SLK: variants seen among roughly 807,000 people sequenced by gnomAD.
SLK encodes STE20-like serine/threonine-protein kinase.
SLK carries 67 observed loss-of-function variants against 147.7 expected under a neutral mutation model. That is an observed-to-expected ratio of 0.45 (90% CI 0.37 to 0.56). The LOEUF is 0.56. Ranked by LOEUF, SLK falls within the 20% of genes least tolerant of loss-of-function variation. SLK has a pLI of 0.00. For missense variants in SLK, 1,136 were observed against 1,438.8 expected (o/e 0.79, Z 3.41); for synonymous variants, 441 against 475.0 (o/e 0.93, Z 0.93).
At chr10:104,021,193 C>T (rs1180237652) in intron 17 of SLK, among the ~76,000 whole-genome samples, 3 of 152,122 alleles carry the variant, frequency 2.0e-5, no homozygotes, top group Non-Finnish European at 4.4e-5. Context: ...GCTTAATTTA[C>T]TATAGTAGAA....
intron 2 of SLK, among the ~76,000 whole-genome samples, chr10:103,992,265 A>T (rs916589137): frequency 6.6e-6 from 1 of 150,404 alleles, no homozygotes; most frequent in Non-Finnish European, 1.5e-5. Context: ...TGCCTTAAAA[A>T]TATAAGTAAT....
chr10:104,019,031 A>T, intron 15 of SLK, 123 bp downstream of exon 15: 1 of 946,312 alleles, frequency 1.1e-6, no homozygotes, highest in South Asian at 1.9e-5. Context: ...TTTATCCTAC[A>T]ATTTCTTGGA....
chr10:103,988,517 C>T (rs1397323833), intron 1 of SLK, among the ~76,000 whole-genome samples: 2 of 152,112 alleles, frequency 1.3e-5, no homozygotes. Context: ...ATTTCACACA[C>T]AAAAATTTGC....
At chr10:103,976,268 A>G (rs1843869360) in intron 1 of SLK, among the ~76,000 whole-genome samples, 1 of 152,130 alleles carries the variant, frequency 6.6e-6, no homozygotes, top group Non-Finnish European at 1.5e-5. Context: ...TTTGGTGCAC[A>G]TGTGCCATTA....
chr10:103,997,880 A>G (rs1844196834), intron 4 of SLK, among the ~76,000 whole-genome samples: 1 of 152,054 alleles, frequency 6.6e-6, no homozygotes, highest in African/African-American at 2.4e-5. Flanking sequence ...TTGAAATTTT[A>G]TTTGAATATA....
intron 7 of SLK, among the ~76,000 whole-genome samples, chr10:104,000,428 T>G (rs980961428): frequency 1.3e-5 from 2 of 152,230 alleles, no homozygotes; most frequent in African/African-American, 4.8e-5. Flanking sequence ...AGGCAATTAC[T>G]GTTAGGTTAT....
chr10:103,995,968 C>A (rs1371364271), intron 4 of SLK, among the ~76,000 whole-genome samples: 1 of 152,122 alleles, frequency 6.6e-6, no homozygotes, highest in Non-Finnish European at 1.5e-5. Context: ...GTTGAGAGTT[C>A]TGGTTCTCAA....
chr10:104,007,178 A>G (rs994576727), intron 11 of SLK, among the ~76,000 whole-genome samples: 2 of 152,020 alleles, frequency 1.3e-5, no homozygotes, highest in Admixed American at 1.3e-4. Flanking sequence ...GTAGACCTCA[A>G]ATAAGCTCTT....
intron 1 of SLK, among the ~76,000 whole-genome samples, chr10:103,989,464 CTTTTT>C (rs68033075): frequency 2.5e-5 from 2 of 78,586 alleles, no homozygotes; most frequent in East Asian, 3.9e-4. Context: ...GTGGCAGTTT[CTTTTT>C]TTTTTTTTTT....
chr10:104,021,801 T>C, intron 18 of SLK, 68 bp downstream of exon 18: 1 of 813,298 alleles, frequency 1.2e-6, no homozygotes, highest in Non-Finnish European at 2.0e-6. Context: ...ATTGGCTCTT[T>C]ACCTACTGTG....
In SLK at chr10:104,027,754, G is replaced by A. The variant is rs943137393; in HGVS notation, c.*2034G>A. 6.6e-6 allele frequency: 1 copy of A among 152,078 alleles called. No individual in the cohort carries two copies. 9.4% of individuals were successfully genotyped at this position (152,078 alleles called of 1,614,324 possible). On this transcript the variant is annotated 3_prime_UTR_variant, in exon 19 of 19. Coordinates refer to ENST00000369755, the MANE Select transcript of SLK (RefSeq NM_014720.4). ...TGATACCCTGTGCGCTAAATAGTGT[G>A]TGGTGCCTGATTAATTTGGTCTGAA...
At chr10:104,000,790 G>A (rs1844235534) in intron 7 of SLK, among the ~76,000 whole-genome samples, 2 of 152,074 alleles carry the variant, frequency 1.3e-5, no homozygotes, top group African/African-American at 4.8e-5. Flanking sequence ...AGGTGTAGTG[G>A]CTCATGCCTG....
chr10:104,009,917 G>A (rs922100932), intron 12 of SLK, among the ~76,000 whole-genome samples: 3 of 151,876 alleles, frequency 2.0e-5, no homozygotes, highest in Non-Finnish European at 2.9e-5. Flanking sequence ...TCTCTTTCAC[G>A]GACCATCAAT....
intron 1 of SLK, among the ~76,000 whole-genome samples, chr10:103,973,399 G>A (rs1296585854): frequency 6.6e-6 from 1 of 152,144 alleles, no homozygotes; most frequent in Non-Finnish European, 1.5e-5. Context: ...GTATCCCACT[G>A]TCTTAATTAG....
chr10:103,993,259 G>C (rs1274727774), intron 4 of SLK, 126 bp downstream of exon 4: 1 of 570,164 alleles, frequency 1.8e-6, no homozygotes, highest in Non-Finnish European at 2.8e-6. Context: ...CTCCATGCTG[G>C]TTTTTAAAAA....
intron 7 of SLK, 82 bp from the exon 8 acceptor site, chr10:104,001,362 A>C: frequency 8.9e-7 from 1 of 1,124,020 alleles, no homozygotes; most frequent in Admixed American, 1.9e-5. Flanking sequence ...TTTTTACCAC[A>C]TAAGAATGTG....
At chr10:104,008,034 C>T in intron 11 of SLK, 143 bp from the exon 12 acceptor site, 1 of 560,710 alleles carries the variant, frequency 1.8e-6, no homozygotes, top group South Asian at 4.1e-5. Context: ...TATTTTAGTG[C>T]ATTTGACTTT....
At chr10:103,976,463 G>T (rs959416830) in intron 1 of SLK, among the ~76,000 whole-genome samples, 2 of 151,958 alleles carry the variant, frequency 1.3e-5, no homozygotes, top group Non-Finnish European at 2.9e-5. Context: ...TAGCCATTCT[G>T]TTGAGTATAA....
chr10:104,000,711 T>C (rs1297350354), intron 7 of SLK, among the ~76,000 whole-genome samples: 1 of 152,204 alleles, frequency 6.6e-6, no homozygotes, highest in Non-Finnish European at 1.5e-5. Context: ...ATTCTAAAGC[T>C]TTTTATAATT....
Sources: allele counts gnomAD v4.1 joint callset (sites outside exome capture counted in the v4.1 genomes callset), GRCh38; gene constraint gnomAD v4.1.1; transcripts MANE v1.5; gene names NCBI Gene and HGNC (gene_info 2026-07-23, HGNC 2026-07-21).